ZNF676: variants seen among roughly 807,000 people sequenced by gnomAD.
The protein encoded by ZNF676 is zinc finger protein 676.
Under a neutral mutation model 6.0 loss-of-function variants are expected in ZNF676, and 4 were observed. That is an observed-to-expected ratio of 0.67 (90% CI 0.33 to 1.53). ZNF676 has a LOEUF of 1.53. ZNF676 is among the 40% of genes most tolerant of loss of function. ZNF676 has a pLI of 0.06. For synonymous variants in ZNF676, 198 were observed against 223.1 expected (o/e 0.89, Z 1.00); for missense variants, 644 against 679.7 (o/e 0.95, Z 0.58).
intron 1 of ZNF676, chr19:22,204,068 C>G (rs1298567685): frequency 6.6e-6 from 1 of 152,100 alleles, no homozygotes; most frequent in Non-Finnish European, 1.5e-5. Context: ...TGCAACATAC[C>G]TAACTGGAGA....
upstream of ZNF676, among the ~76,000 whole-genome samples, chr19:22,218,643 C>T (rs1370171109): frequency 6.6e-6 from 1 of 152,040 alleles, no homozygotes; most frequent in African/African-American, 2.4e-5. Flanking sequence ...TGCACTCAGC[C>T]GAAGATCCAG....
At chr19:22,182,603 G>GA (rs2023774535) in intron 2 of ZNF676, among the ~76,000 whole-genome samples, 4 of 37,228 alleles carry the variant, frequency 1.1e-4, no homozygotes, top group Admixed American at 2.6e-4. Flanking sequence ...AAAAAAAAAA[G>GA]CAAACAAAAA....
At chr19:22,193,190 G>A (rs943250327) in intron 1 of ZNF676, 79 bp from the exon 2 acceptor site, 6 of 1,364,234 alleles carry the variant, frequency 4.4e-6, no homozygotes, top group Admixed American at 5.2e-5. Context: ...CAGTAAAGAG[G>A]ATGTAATAGA....
chr19:22,253,705 T>C, the ZNF676 span, among the ~76,000 whole-genome samples: 1 of 151,912 alleles, frequency 6.6e-6, no homozygotes, highest in African/African-American at 2.4e-5. Context: ...TGTTCACATA[T>C]GACGGTCACA....
At chr19:22,242,664 C>T in the ZNF676 span, among the ~76,000 whole-genome samples, 1 of 151,946 alleles carries the variant, frequency 6.6e-6, no homozygotes, top group African/African-American at 2.4e-5. Flanking sequence ...TCTTATCACA[C>T]AGGTTTTGGG....
chr19:22,258,237 C>T, the ZNF676 span, among the ~76,000 whole-genome samples: 1 of 151,962 alleles, frequency 6.6e-6, no homozygotes, highest in African/African-American at 2.4e-5. Context: ...TGGAGAAAGC[C>T]CAGGTAAAAG....
chr19:22,238,538 G>A, the ZNF676 span, among the ~76,000 whole-genome samples: 737 of 152,092 alleles, frequency 4.8e-3, 8 homozygotes, highest in African/African-American at 0.017. Context: ...GCCAACCCCC[G>A]AAACACCAGA....
In ZNF676 at chr19:22,193,466, T is replaced by C. The variant is rs368732622; in HGVS notation, c.35-355A>G. Among the ~76,000 whole-genome samples the C allele has an allele frequency of 8.1e-4, 124 of 152,180 alleles. 1 individual carries two copies. Among genetic ancestry groups the C allele is most frequent in the African/African-American group, 2.7e-3 (114 of 41,536 alleles). ...AAGGAGACCCTTCTGTGTTTTCTGCTTGGGGTTTGGTTTGCACGGTCCTAC... is the reference window on the plus strand; with the variant it reads ...AAGGAGACCCTTCTGTGTTTTCTGCCTGGGGTTTGGTTTGCACGGTCCTAC... On this transcript the variant is annotated intron_variant, in intron 1 of 2. Coordinates refer to ENST00000397121, the MANE Select transcript of ZNF676 (RefSeq NM_001001411.3).
Position 22,181,571 on chromosome 19 carries a change from A to T in ZNF676, c.146T>A (p.Phe49Tyr). Reference protein sequence around the residue: ...VEEPPVICSHFSQEFWPEQGI... With the variant: ...VEEPPVICSHYSQEFWPEQGI... The stretch of plus-strand genomic sequence containing the variant: ...TTGCTCTGGCCAAAACTCTTGGGAA[A>T]AATGAGAACATATAACTGAAAAGAA... The change falls in exon 3 of 3, where the codon TTT becomes TAT. Residue 49 changes from phenylalanine to tyrosine, a missense_variant. Coordinates refer to ENST00000397121, the MANE Select transcript of ZNF676 (RefSeq NM_001001411.3). 6.4e-7 allele frequency: 1 copy of T among 1,568,826 alleles called. No individual in the cohort carries two copies. Among genetic ancestry groups the T allele is most frequent in the South Asian group, 1.2e-5 (1 of 83,648 alleles).
intron 1 of ZNF676, among the ~76,000 whole-genome samples, chr19:22,193,940 A>T (rs2023940795): frequency 6.6e-6 from 1 of 152,146 alleles, no homozygotes; most frequent in Admixed American, 6.6e-5. Flanking sequence ...TTGATATAAA[A>T]CATTTGGGTT....
Position 22,180,572 on chromosome 19 carries a change from G to C in ZNF676, c.1145C>G (p.Thr382Arg). ...CTCTTCAGCATGAATTGCCTTATGT[G>C]TATTAAGGGTTGAGACCTTACTAAA... Reference protein sequence around the residue: ...KAFSKVSTLNTHKAIHAEEKP... With the variant: ...KAFSKVSTLNRHKAIHAEEKP... Residue 382 changes from threonine (T) to arginine (R), a missense_variant, in exon 3 of 3, where the codon ACA (threonine) becomes AGA (arginine). Transcript: ENST00000397121. 1 of 1,604,042 alleles carries C rather than the reference G, an allele frequency of 6.2e-7. No homozygotes were observed. The highest frequency in any genetic ancestry group is 8.5e-7 in the Non-Finnish European group (1 of 1,177,062).
chr19:22,197,336 T>G (rs1036779085), upstream of ZNF676, among the ~76,000 whole-genome samples: 1 of 150,746 alleles, frequency 6.6e-6, no homozygotes. Flanking sequence ...AAAAAAAAAA[T>G]TCATCGTGTG....
At chr19:22,183,359 C>CAA (rs1471573569) in intron 2 of ZNF676, among the ~76,000 whole-genome samples, 1 of 152,004 alleles carries the variant, frequency 6.6e-6, no homozygotes, top group Non-Finnish European at 1.5e-5. Flanking sequence ...TCTTTTGAGA[C>CAA]AAAGTTTTAC....
At chr19:22,244,554 G>A in the ZNF676 span, 2 of 152,098 alleles carry the variant, frequency 1.3e-5, no homozygotes, top group African/African-American at 2.4e-5. Context: ...GGTGCTGTAT[G>A]AGGAATGTCA....
upstream of ZNF676, chr19:22,197,075 C>G (rs920816645): frequency 9.1e-6 from 2 of 220,858 alleles, no homozygotes; most frequent in African/African-American, 4.8e-5. Context: ...GTAATCCCAG[C>G]ACTTTGGGAG....
rs1568529617 is a variant in ZNF676 at position 22,192,954 on chromosome 19, G to C, written c.130+62C>G. The C allele has an allele frequency of 6.0e-6, 9 of 1,500,014 alleles. No homozygotes were observed. In the East Asian group the frequency reaches 2.0e-4, roughly 33 times the overall value. The allele number at this position is 1,500,014 out of a possible 1,614,324, so 92.9% of individuals were successfully genotyped here. ...ACACAGCTTCCCAAATGACTTTAAG[G>C]ACTGGCTTCCTCATTGACTTTGGAC... On this transcript the variant is annotated intron_variant, in intron 2 of 2. Transcript: ENST00000397121.
chr19:22,205,232 C>G (rs1187664488), intron 1 of ZNF676, among the ~76,000 whole-genome samples: 3 of 152,106 alleles, frequency 2.0e-5, no homozygotes, highest in African/African-American at 4.8e-5. Flanking sequence ...CTCACAGGCA[C>G]TAATGGAGAG....
chr19:22,215,505 G>C (rs2024175239), intron 1 of ZNF676: 1 of 1,110,796 alleles, frequency 9.0e-7, no homozygotes, highest in East Asian at 2.6e-5. Context: ...AGGGGACTGA[G>C]GTCGAGCTAG....
chr19:22,189,620 A>G (rs532761200), intron 2 of ZNF676, among the ~76,000 whole-genome samples: 32 of 152,240 alleles, frequency 2.1e-4, no homozygotes, highest in African/African-American at 7.7e-4. Context: ...CAATCTATCC[A>G]TCTGACAAAG....
Sources: allele counts gnomAD v4.1 joint callset (sites outside exome capture counted in the v4.1 genomes callset), GRCh38; gene constraint gnomAD v4.1.1; transcripts MANE v1.5; gene names NCBI Gene and HGNC (gene_info 2026-07-23, HGNC 2026-07-21).